Variants in SNX29 observed in about 807,000 individuals in gnomAD.
The protein encoded by SNX29 is sorting nexin 29.
A neutral mutation model predicts 102.1 loss-of-function variants in SNX29; 78 were observed. The observed-to-expected ratio is 0.76, with a 90% CI of 0.64 to 0.92. The LOEUF (loss-of-function observed/expected upper bound fraction) is 0.92, where lower values mean the gene tolerates loss of function less well. Among genes scored for constraint, SNX29 ranks in the 40% least tolerant of loss-of-function variants. The pLI, the probability that SNX29 is intolerant of heterozygous loss-of-function variation, is 0.00. For missense variants in SNX29, 1,280 were observed against 1,061.7 expected, an observed-to-expected ratio of 1.21 and a Z score of -2.86; for synonymous variants, 580 against 414.5, an observed-to-expected ratio of 1.40 and a Z score of -4.85.
chr16:12,088,403 A>G (rs980928892), intron 11 of SNX29, among the ~76,000 whole-genome samples: 1 of 152,032 alleles, frequency 6.6e-6, no homozygotes, highest in South Asian at 2.1e-4. Context: ...TTTGACAGAC[A>G]TAGACTCTGT....
At chr16:12,416,670 T>C (rs549000677) in intron 18 of SNX29, among the ~76,000 whole-genome samples, 1 of 152,290 alleles carries the variant, frequency 6.6e-6, no homozygotes, top group Non-Finnish European at 1.5e-5. Flanking sequence ...TGGGAAGGCC[T>C]TGGAGGCTTT....
chr16:12,503,647 C>G (rs1367905332), intron 19 of SNX29, among the ~76,000 whole-genome samples: 1 of 152,126 alleles, frequency 6.6e-6, no homozygotes, highest in Admixed American at 6.5e-5. Context: ...TGGAGCGATC[C>G]CAGCAGAACG....
intron 19 of SNX29, among the ~76,000 whole-genome samples, chr16:12,512,351 C>A: frequency 7.9e-6 from 1 of 126,910 alleles, no homozygotes; most frequent in African/African-American, 2.9e-5. Flanking sequence ...TTACGTCCAT[C>A]ATGGAAGGCC....
rs2050181729 is a variant in SNX29, at chr16:12,048,588, C to T, written c.716C>T (p.Pro239Leu). Reference sequence around the variant, plus strand: ...ATCAAACCTGAACAGGAGACCGACCCCTTGCCTGTCGTGTCCAGGAATGTC... The same window carrying T: ...ATCAAACCTGAACAGGAGACCGACCTCTTGCCTGTCGTGTCCAGGAATGTC... ...ILIKPEQETD[P>L]LPVVSRNVSA... Residue 239 changes from proline to leucine, a missense_variant, in exon 7 of 21, where the codon CCC becomes CTC. By Grantham distance (98) the Pro-to-Leu change is moderately conservative (BLOSUM62 -3). Transcript: ENST00000566228. The T allele has an allele frequency of 1.2e-6, 2 of 1,613,922 alleles. No homozygotes were observed. Among genetic ancestry groups the T allele is most frequent in the South Asian group, 1.1e-5 (1 of 91,072 alleles).
chr16:12,305,107 T>C (rs796715018), intron 15 of SNX29, among the ~76,000 whole-genome samples: 1 of 152,244 alleles, frequency 6.6e-6, no homozygotes, highest in Non-Finnish European at 1.5e-5. Flanking sequence ...AATCTGGTTA[T>C]TTCGGCTTTC....
At chr16:12,423,188 A>G (rs1168391219) in intron 18 of SNX29, among the ~76,000 whole-genome samples, 2 of 151,666 alleles carry the variant, frequency 1.3e-5, no homozygotes, top group Non-Finnish European at 2.9e-5. Context: ...TCACCAATGC[A>G]TGGGGTTGTT....
At chr16:12,216,641 G>C (rs1253011936) in intron 14 of SNX29, among the ~76,000 whole-genome samples, 1 of 152,174 alleles carries the variant, frequency 6.6e-6, no homozygotes, top group African/African-American at 2.4e-5. Context: ...GTGGGTGTTG[G>C]CCGAGAAAGT....
At chr16:12,567,226 C>G (rs942605037) in intron 20 of SNX29, among the ~76,000 whole-genome samples, 4 of 152,092 alleles carry the variant, frequency 2.6e-5, no homozygotes, top group African/African-American at 7.3e-5. Context: ...ACAGATAAGG[C>G]AGAGCTAGCT....
At chr16:12,338,811 G>C (rs903923294) in intron 15 of SNX29, among the ~76,000 whole-genome samples, 1 of 152,142 alleles carries the variant, frequency 6.6e-6, no homozygotes, top group Non-Finnish European at 1.5e-5. Context: ...CACCTTCCAT[G>C]TGGGAGGCGC....
intron 14 of SNX29, among the ~76,000 whole-genome samples, chr16:12,244,698 C>G (rs1417393422): frequency 1.3e-5 from 2 of 152,082 alleles, no homozygotes; most frequent in African/African-American, 4.8e-5. Context: ...CAGTACTGAT[C>G]AGAGCCCTGG....
intron 14 of SNX29, among the ~76,000 whole-genome samples, chr16:12,235,369 G>A (rs1454987316): frequency 6.6e-6 from 1 of 152,122 alleles, no homozygotes; most frequent in Non-Finnish European, 1.5e-5. Context: ...TGTCCCCTGG[G>A]CCTGCGGTAC....
At chr16:11,995,642 C>A in intron 1 of SNX29, among the ~76,000 whole-genome samples, 1 of 137,598 alleles carries the variant, frequency 7.3e-6, no homozygotes, top group Non-Finnish European at 1.5e-5. Flanking sequence ...GAGCAAAATA[C>A]TCTTAAAAAA....
intron 19 of SNX29, among the ~76,000 whole-genome samples, chr16:12,483,243 A>C (rs1018562942): frequency 6.8e-6 from 1 of 146,562 alleles, no homozygotes; most frequent in Admixed American, 7.0e-5. Flanking sequence ...TCATGACCTC[A>C]GGTGATCCGC....
At chr16:12,490,066 A>C (rs1444409288) in intron 19 of SNX29, among the ~76,000 whole-genome samples, 1 of 152,168 alleles carries the variant, frequency 6.6e-6, no homozygotes, top group African/African-American at 2.4e-5. Context: ...TCAGCCTCCC[A>C]AAGTGCTGGG....
chr16:12,358,030 C>T (rs766841759), intron 16 of SNX29, among the ~76,000 whole-genome samples: 1 of 152,176 alleles, frequency 6.6e-6, no homozygotes, highest in Admixed American at 6.5e-5. Context: ...TGTTTGCTAT[C>T]TTTTTGTGAT....
At chr16:12,519,219 C>T (rs2089997696) in intron 19 of SNX29, among the ~76,000 whole-genome samples, 1 of 152,018 alleles carries the variant, frequency 6.6e-6, no homozygotes, top group Admixed American at 6.5e-5. Flanking sequence ...ACCTGTGGGT[C>T]ACAGTTAGTC....
At chr16:12,460,381 C>G (rs754162171) in intron 18 of SNX29, among the ~76,000 whole-genome samples, 2 of 152,186 alleles carry the variant, frequency 1.3e-5, no homozygotes, top group Admixed American at 6.5e-5. Flanking sequence ...CACTGATTTC[C>G]TATTGTCAAG....
At chr16:12,286,095 G>C (rs903384655) in intron 15 of SNX29, among the ~76,000 whole-genome samples, 2 of 151,644 alleles carry the variant, frequency 1.3e-5, no homozygotes, top group African/African-American at 2.4e-5. Flanking sequence ...CTCCCACCTC[G>C]GCCTCCCAAA....
chr16:12,385,743 G>C (rs531304769), intron 16 of SNX29, among the ~76,000 whole-genome samples: 1 of 152,358 alleles, frequency 6.6e-6, no homozygotes, highest in Admixed American at 6.5e-5. Flanking sequence ...TAGAGTGACA[G>C]AAAGACCTGA....
Sources: gnomAD v4.1 joint callset for allele counts (sites outside exome capture counted in the v4.1 genomes callset) on GRCh38, gnomAD v4.1.1 for gene constraint, MANE v1.5 for transcripts, NCBI Gene and HGNC (gene_info 2026-07-23, HGNC 2026-07-21) for gene names.